PIP5K1B: variants seen among roughly 807,000 people sequenced by gnomAD.
PIP5K1B encodes phosphatidylinositol-4-phosphate 5-kinase type 1 beta.
A neutral mutation model predicts 67.0 loss-of-function variants in PIP5K1B; 42 were observed. That is an observed-to-expected ratio of 0.63 (90% confidence interval 0.49 to 0.81). The LOEUF is 0.81. PIP5K1B is among the 30% of genes least tolerant of loss of function. PIP5K1B has a pLI of 0.00. For synonymous variants in PIP5K1B, 214 were observed against 231.4 expected, an observed-to-expected ratio of 0.92 and a Z score of 0.68; for missense variants, 459 against 646.3, an observed-to-expected ratio of 0.71 and a Z score of 3.14.
chr9:68,923,273 C>T (rs749693780), intron 11 of PIP5K1B, 29 bp from the exon 12 acceptor site: 1 of 1,243,170 alleles, frequency 8.0e-7, no homozygotes, highest in Admixed American at 1.8e-5. Flanking sequence ...AAGAGGTGAC[C>T]CTGTGATCCT....
chr9:68,886,821 G>A (rs988920579), intron 6 of PIP5K1B, among the ~76,000 whole-genome samples: 15 of 152,082 alleles, frequency 9.9e-5, no homozygotes, highest in South Asian at 8.3e-4. Flanking sequence ...ATGGCTTTTC[G>A]GCCCCCTTAG....
intron 15 of PIP5K1B, among the ~76,000 whole-genome samples, chr9:68,997,150 G>A (rs1456684869): frequency 6.6e-6 from 1 of 152,226 alleles, no homozygotes; most frequent in Non-Finnish European, 1.5e-5. Flanking sequence ...GGGTGGCAGA[G>A]AAGTGAAAAT....
rs147527060 is a variant in PIP5K1B, at chr9:68,901,193, C to G, written c.771+6555C>G. ...TAAGGAATTCGATTTTGTTTTTAGA[C>G]TTCAATCAAAACATGAAAAGGGTGC... On this transcript the variant is annotated intron_variant, in intron 8 of 15. Transcript: ENST00000265382. 5.0e-3 allele frequency among the ~76,000 whole-genome samples: 766 copies of G among 152,232 alleles called. 9 individuals carry two copies. The highest frequency in any genetic ancestry group is 0.018 in the African/African-American group (734 of 41,546).
chr9:68,990,727 G>A (rs907176426), intron 14 of PIP5K1B, among the ~76,000 whole-genome samples: 4 of 151,338 alleles, frequency 2.6e-5, no homozygotes, highest in African/African-American at 7.3e-5. Context: ...GCAGTGGTGC[G>A]ATCTCAGCTC....
intron 2 of PIP5K1B, chr9:68,789,594 C>G (rs1236015874): frequency 2.3e-6 from 1 of 440,726 alleles, no homozygotes; most frequent in African/African-American, 2.0e-5. Flanking sequence ...ACAAACAGAA[C>G]AGTGTACCAC....
intron 4 of PIP5K1B, among the ~76,000 whole-genome samples, chr9:68,857,855 G>T (rs947610914): frequency 6.6e-6 from 1 of 152,078 alleles, no homozygotes; most frequent in Non-Finnish European, 1.5e-5. Flanking sequence ...TTGTAGAACC[G>T]GGGTGGTTAC....
intron 2 of PIP5K1B, among the ~76,000 whole-genome samples, chr9:68,779,244 G>T (rs1831086911): frequency 6.6e-6 from 1 of 152,122 alleles, no homozygotes. Flanking sequence ...TTTTTAAAAT[G>T]TGAGGACCTA....
chr9:68,806,262 G>C (rs923054874), intron 2 of PIP5K1B, among the ~76,000 whole-genome samples: 17 of 152,148 alleles, frequency 1.1e-4, no homozygotes, highest in Non-Finnish European at 2.1e-4. Context: ...AAGCTTGCAC[G>C]CCTTGCCATC....
At chr9:68,789,397 TCC>T (rs1831829100) in intron 2 of PIP5K1B, 1 of 427,530 alleles carries the variant, frequency 2.3e-6, no homozygotes, top group Non-Finnish European at 4.6e-6. Flanking sequence ...TCCAACATAG[TCC>T]TGAAATGTGT....
chr9:68,837,981 T>C (rs113985246), intron 4 of PIP5K1B, among the ~76,000 whole-genome samples: 5 of 152,010 alleles, frequency 3.3e-5, no homozygotes, highest in African/African-American at 1.2e-4. Flanking sequence ...CTCAGTAAAC[T>C]TTTATTTTCT....
intron 2 of PIP5K1B, among the ~76,000 whole-genome samples, chr9:68,756,071 T>C (rs568903294): frequency 2.0e-5 from 3 of 152,160 alleles, no homozygotes; most frequent in South Asian, 2.1e-4. Flanking sequence ...GCACAAAGAA[T>C]CGTGTGGAGA....
intron 4 of PIP5K1B, among the ~76,000 whole-genome samples, chr9:68,860,243 C>T (rs1198086330): frequency 2.0e-5 from 3 of 151,878 alleles, no homozygotes; most frequent in Admixed American, 2.0e-4. Context: ...ACTTCGAGTT[C>T]AACATTTTTA....
chr9:68,861,736 G>A (rs1209968066), intron 4 of PIP5K1B, among the ~76,000 whole-genome samples: 2 of 152,102 alleles, frequency 1.3e-5, no homozygotes, highest in African/African-American at 4.8e-5. Context: ...TGGGAGAAGA[G>A]ATGCCTTTTG....
intron 2 of PIP5K1B, among the ~76,000 whole-genome samples, chr9:68,756,757 A>C (rs1426076803): frequency 6.6e-6 from 1 of 152,202 alleles, no homozygotes; most frequent in African/African-American, 2.4e-5. Context: ...GAAGAGATTT[A>C]GAACAGCATT....
intron 8 of PIP5K1B, among the ~76,000 whole-genome samples, chr9:68,902,165 T>G (rs1261207908): frequency 6.6e-6 from 1 of 152,186 alleles, no homozygotes. Flanking sequence ...CTGTGCAATT[T>G]CAGACGTACA....
Position 68,917,593 on chromosome 9 carries a change from A to T in PIP5K1B, c.817A>T (p.Ile273Phe). ...KIMDYSLLLG[I>F]HFLDHSLKEK... ...CATGGATTATAGCCTTCTGTTGGGA[A>T]TTCATTTCCTGGACCATTCCCTCAA... Residue 273 changes from isoleucine (I) to phenylalanine (F), a missense_variant, in exon 9 of 16, where the codon ATT (isoleucine) becomes TTT (phenylalanine). Physicochemically the swap from Ile to Phe is conservative, Grantham distance 21. Around this residue, in one of 2 missense-constraint regions of PIP5K1B, gnomAD observed 290 missense variants for 474.4 expected, o/e 0.61. Transcript: ENST00000265382. The T allele has an allele frequency of 6.2e-7, 1 of 1,614,086 alleles. No individual in the cohort carries two copies. Among genetic ancestry groups the T allele is most frequent in the Non-Finnish European group, 8.5e-7 (1 of 1,179,946 alleles).
intron 15 of PIP5K1B, among the ~76,000 whole-genome samples, chr9:68,995,596 G>A (rs1388158934): frequency 6.6e-6 from 1 of 151,934 alleles, no homozygotes; most frequent in African/African-American, 2.4e-5. Context: ...ACCTGAGGTC[G>A]GGAATTCGAG....
intron 8 of PIP5K1B, among the ~76,000 whole-genome samples, chr9:68,898,566 T>G (rs1223514399): frequency 6.6e-6 from 1 of 152,088 alleles, no homozygotes; most frequent in African/African-American, 2.4e-5. Flanking sequence ...CTGAGATGCG[T>G]GTCCTATTTG....
intron 1 of PIP5K1B, among the ~76,000 whole-genome samples, chr9:68,719,950 A>G (rs1394631853): frequency 1.3e-5 from 2 of 152,232 alleles, no homozygotes; most frequent in Non-Finnish European, 2.9e-5. Context: ...GAAGCTTTAG[A>G]AATGATCAGC....
Sources: allele counts gnomAD v4.1 joint callset (sites outside exome capture counted in the v4.1 genomes callset), GRCh38; gene constraint gnomAD v4.1.1; regional missense constraint gnomAD v4.1.1; transcripts MANE v1.5; gene names NCBI Gene and HGNC (gene_info 2026-07-23, HGNC 2026-07-21).